SS18: variants seen among roughly 807,000 people sequenced by gnomAD.
SS18 encodes protein SSXT.
SS18 carries 28 observed loss-of-function variants against 72.5 expected under a neutral mutation model. The ratio of observed to expected loss-of-function variants is 0.39; its 90% CI spans 0.29 to 0.53. SS18 has a LOEUF of 0.53. SS18 is among the 20% of genes least tolerant of loss of function. SS18 has a pLI of 0.76. For synonymous variants in SS18, 172 were observed against 164.2 expected, an observed-to-expected ratio of 1.05 and a Z score of -0.37; for missense variants, 518 against 535.3, an observed-to-expected ratio of 0.97 and a Z score of 0.32.
chr18:26,058,906 C>CA (rs1200584904), intron 3 of SS18, among the ~76,000 whole-genome samples: 2 of 152,074 alleles, frequency 1.3e-5, no homozygotes, highest in Admixed American at 6.5e-5. Flanking sequence ...AAAAAACAAA[C>CA]AAAAAACACT....
At chr18:26,027,669 T>C (rs183164021) in intron 10 of SS18, among the ~76,000 whole-genome samples, 1 of 41,440 alleles carries the variant, frequency 2.4e-5, no homozygotes, top group South Asian at 1.3e-3. Flanking sequence ...GCGAGACTCA[T>C]CTAAAAAAAA....
intron 9 of SS18, 125 bp downstream of exon 9, chr18:26,034,880 A>G: frequency 8.1e-7 from 1 of 1,231,064 alleles, no homozygotes; most frequent in Non-Finnish European, 1.1e-6. Flanking sequence ...TTAACAGTAG[A>G]CTAGTCTAAA....
intron 1 of SS18, chr18:26,090,211 C>CCCGCAGCCCGAACGCCG: frequency 2.2e-6 from 1 of 457,168 alleles, no homozygotes; most frequent in Non-Finnish European, 3.8e-6. Flanking sequence ...GCGCACGCGC[C>CCCGCAGCCCGAACGCCG]CCGCAGCCCG....
chr18:26,023,692 T>C (rs2053393225), intron 10 of SS18: 2 of 521,426 alleles, frequency 3.8e-6, no homozygotes, highest in South Asian at 1.6e-5. Flanking sequence ...TTTTCAGACA[T>C]ACAAAAGCTG....
chr18:26,086,777 C>T (rs961220531), intron 2 of SS18, among the ~76,000 whole-genome samples: 16 of 152,190 alleles, frequency 1.1e-4, no homozygotes, highest in African/African-American at 3.6e-4. Flanking sequence ...GTTTTCACCA[C>T]ATACATGGAT....
chr18:26,021,605 G>A (rs1203257401), intron 10 of SS18, among the ~76,000 whole-genome samples: 2 of 152,156 alleles, frequency 1.3e-5, no homozygotes, highest in Admixed American at 1.3e-4. Context: ...ATCCTACTGC[G>A]ATGAAGACAG....
At chr18:26,031,654 G>A (rs1234281559) in intron 10 of SS18, among the ~76,000 whole-genome samples, 1 of 152,166 alleles carries the variant, frequency 6.6e-6, no homozygotes, top group Non-Finnish European at 1.5e-5. Context: ...AAATAAGGCA[G>A]TTAAATGAAC....
At chr18:26,045,841 T>C (rs947309878) in intron 5 of SS18, among the ~76,000 whole-genome samples, 1 of 152,020 alleles carries the variant, frequency 6.6e-6, no homozygotes, top group African/African-American at 2.4e-5. Context: ...TAAAAATACA[T>C]AGGGAAATGA....
At chr18:26,071,149 G>C (rs1284278481) in intron 3 of SS18, among the ~76,000 whole-genome samples, 2 of 152,116 alleles carry the variant, frequency 1.3e-5, no homozygotes, top group Non-Finnish European at 2.9e-5. Context: ...TTTAACTGGA[G>C]TCTTATGGAA....
At chr18:26,090,895 C>T (rs2054716243), upstream of SS18, 1 of 374,258 alleles carries the variant, frequency 2.7e-6, no homozygotes, top group Non-Finnish European at 4.8e-6. Flanking sequence ...TTCAGCGATT[C>T]AGGAAATGGT....
At chr18:26,047,133 T>C (rs143046287) in intron 5 of SS18, among the ~76,000 whole-genome samples, 103 of 152,192 alleles carry the variant, frequency 6.8e-4, no homozygotes, top group African/African-American at 2.3e-3. Flanking sequence ...GTACCTTACC[T>C]ACTACCTCAA....
At position 26,059,594 on chromosome 18, in the gene SS18, C is replaced by G. The variant is rs185753578; in HGVS notation, c.232-1852G>C. On this transcript the variant is annotated intron_variant, in intron 3 of 10. Coordinates refer to ENST00000415083, the MANE Select transcript of SS18 (RefSeq NM_001007559.3). Reference sequence around the variant, plus strand: ...GAGGAGCCTTCATAAATAACTCCAACTCTCTGTTGAGACTACAGAAGGGCC... The same window carrying G: ...GAGGAGCCTTCATAAATAACTCCAAGTCTCTGTTGAGACTACAGAAGGGCC... Among the ~76,000 whole-genome samples the G allele has an allele frequency of 1.3e-3, 198 of 152,304 alleles. 1 individual carries two copies. The highest frequency in any genetic ancestry group is 4.3e-3 in the African/African-American group (177 of 41,568).
At chr18:26,063,549 A>G (rs1598587574) in intron 3 of SS18, among the ~76,000 whole-genome samples, 1 of 152,280 alleles carries the variant, frequency 6.6e-6, no homozygotes, top group Non-Finnish European at 1.5e-5. Context: ...ATAAGAAATC[A>G]GTAACAAAAT....
intron 3 of SS18, among the ~76,000 whole-genome samples, chr18:26,071,080 T>G (rs143252913): frequency 6.6e-6 from 1 of 151,996 alleles, no homozygotes; most frequent in Non-Finnish European, 1.5e-5. Flanking sequence ...TGATAAATGG[T>G]TGGAAAAGTC....
chr18:26,055,125 T>C (rs1003563938), intron 4 of SS18, among the ~76,000 whole-genome samples: 63 of 152,250 alleles, frequency 4.1e-4, no homozygotes, highest in African/African-American at 1.4e-3. Context: ...TTTGGTATCC[T>C]TTGATTTTGG....
In SS18 at chr18:26,052,915, A is replaced by C. The variant is rs192743149; in HGVS notation, c.386-70T>G. On this transcript the variant is annotated intron_variant, in intron 4 of 10. Coordinates refer to ENST00000415083, the MANE Select transcript of SS18 (RefSeq NM_001007559.3). ...ATGGTCCATACAAAAGTACCTGGAA[A>C]TAATTTTTTTTTTGCATTATTATAG... is the stretch of plus-strand genomic sequence containing the variant. The C allele has an allele frequency of 9.4e-5, 128 of 1,357,724 alleles. 1 individual carries two copies. The East Asian group carries it at 1.7e-3, about 18-fold the overall frequency. 84.1% of individuals were successfully genotyped at this position (1,357,724 alleles called of 1,614,324 possible).
intron 5 of SS18, among the ~76,000 whole-genome samples, chr18:26,040,412 T>C (rs901282801): frequency 1.3e-5 from 2 of 152,182 alleles, no homozygotes; most frequent in African/African-American, 2.4e-5. Context: ...CTCAGAAGTA[T>C]GGATGAGTCT....
At chr18:26,046,186 C>T (rs1230744294) in intron 5 of SS18, among the ~76,000 whole-genome samples, 4 of 110,466 alleles carry the variant, frequency 3.6e-5, no homozygotes, top group East Asian at 2.3e-4. Flanking sequence ...AGGAAGACTC[C>T]GTCTCAAAAA....
In SS18 at chr18:26,032,354, G is replaced by A. The variant is rs373793671; in HGVS notation, c.1230+45C>T. 6.9e-6 allele frequency: 11 copies of A among 1,602,928 alleles called. No individual in the cohort carries two copies. In the South Asian group the frequency reaches 1.1e-4, roughly 16 times the overall value. On this transcript the variant is annotated intron_variant, in intron 10 of 10. Transcript: ENST00000415083. ...TAAAAAAAAGTTCACCTAATCGAGAGTGAAGAAACAATGTGGCAATTCTGC... is the reference window on the plus strand; with the variant it reads ...TAAAAAAAAGTTCACCTAATCGAGAATGAAGAAACAATGTGGCAATTCTGC...
Sources: gnomAD v4.1 joint callset for allele counts (sites outside exome capture counted in the v4.1 genomes callset) on GRCh38, gnomAD v4.1.1 for gene constraint, MANE v1.5 for transcripts, NCBI Gene and HGNC (gene_info 2026-07-23, HGNC 2026-07-21) for gene names.